Variants in SYN3 observed in about 807,000 individuals in gnomAD.
The protein encoded by SYN3 is synapsin-3.
A neutral mutation model predicts 65.8 loss-of-function variants in SYN3; 35 were observed. The ratio of observed to expected loss-of-function variants is 0.53; its 90% CI spans 0.41 to 0.70. The LOEUF (loss-of-function observed/expected upper bound fraction) is 0.70. Among genes scored for constraint, SYN3 ranks in the 30% least tolerant of loss-of-function variants. SYN3 has a pLI of 0.00. For synonymous variants in SYN3, 270 were observed against 292.9 expected (o/e 0.92, Z 0.80); for missense variants, 680 against 749.0 (o/e 0.91, Z 1.08).
intron 6 of SYN3, among the ~76,000 whole-genome samples, chr22:32,622,389 G>A (rs982701948): frequency 6.6e-6 from 1 of 152,142 alleles, no homozygotes; most frequent in Non-Finnish European, 1.5e-5. Context: ...ATTCCTTTGA[G>A]GTCGAGCTGC....
At chr22:32,738,664 A>C (rs1224988107) in intron 6 of SYN3, among the ~76,000 whole-genome samples, 1 of 152,244 alleles carries the variant, frequency 6.6e-6, no homozygotes, top group African/African-American at 2.4e-5. Flanking sequence ...TTAATGCATG[A>C]GTAGGAATTT....
chr22:32,820,404 ATCC>A (rs2047213889), intron 6 of SYN3, among the ~76,000 whole-genome samples: 1 of 150,136 alleles, frequency 6.7e-6, no homozygotes, highest in Non-Finnish European at 1.5e-5. Context: ...TGTGTGTGTC[ATCC>A]TCCTCTGCTC....
chr22:32,687,350 G>A (rs2060604925), intron 6 of SYN3, among the ~76,000 whole-genome samples: 2 of 150,904 alleles, frequency 1.3e-5, no homozygotes, highest in African/African-American at 4.9e-5. Flanking sequence ...TTTTAGTAGA[G>A]ACAGGGTTTC....
At chr22:32,893,827 C>G (rs963089835) in intron 4 of SYN3, among the ~76,000 whole-genome samples, 3 of 152,090 alleles carry the variant, frequency 2.0e-5, no homozygotes, top group Non-Finnish European at 4.4e-5. Flanking sequence ...CTGGCCTGTC[C>G]CTTGCTGGGC....
At chr22:32,847,966 T>C (rs971349184) in intron 6 of SYN3, among the ~76,000 whole-genome samples, 21 of 152,366 alleles carry the variant, frequency 1.4e-4, no homozygotes, top group African/African-American at 4.6e-4. Context: ...CTGCCTTTTG[T>C]TGCTGGTTCT....
rs118028674 is a variant in SYN3, at chr22:32,936,474, T to C, written c.370-4993A>G. Among the ~76,000 whole-genome samples the C allele has an allele frequency of 4.2e-3, 639 of 150,640 alleles. 5 individuals carry two copies. Among genetic ancestry groups the C allele is most frequent in the Non-Finnish European group, 6.8e-3 (457 of 67,696 alleles). On this transcript the variant is annotated intron_variant, in intron 3 of 13. Transcript: ENST00000358763. ...AGGACAGAGTATAGGAAAAGATGAATCTGCAGAGAAAAAATAAAACAAACA... is the reference window on the plus strand; with the variant it reads ...AGGACAGAGTATAGGAAAAGATGAACCTGCAGAGAAAAAATAAAACAAACA...
Position 32,513,519 on chromosome 22 carries a change from T to G in SYN3, c.*173A>C. 3 of 872,252 alleles carry G rather than the reference T, an allele frequency of 3.4e-6. No individual in the cohort carries two copies. Among genetic ancestry groups the G allele is most frequent in the Non-Finnish European group, 5.0e-6 (3 of 597,096 alleles). 54.0% of individuals were successfully genotyped at this position (872,252 alleles called of 1,614,324 possible). ...GTCAGACAATGCTGGAATGTCACGGTGAAGGAAAATGGGAACAAATATAGA... is the reference window on the plus strand; with the variant it reads ...GTCAGACAATGCTGGAATGTCACGGGGAAGGAAAATGGGAACAAATATAGA... On this transcript the variant is annotated 3_prime_UTR_variant, in exon 14 of 14. Coordinates refer to ENST00000358763, the MANE Select transcript of SYN3 (RefSeq NM_003490.4).
intron 6 of SYN3, among the ~76,000 whole-genome samples, chr22:32,636,718 C>T (rs918286903): frequency 6.6e-6 from 1 of 152,136 alleles, no homozygotes; most frequent in Non-Finnish European, 1.5e-5. Flanking sequence ...TATCTGAGAG[C>T]CCCAGAAAGA....
intron 6 of SYN3, among the ~76,000 whole-genome samples, chr22:32,615,701 C>T (rs1201994618): frequency 6.6e-6 from 1 of 152,172 alleles, no homozygotes; most frequent in African/African-American, 2.4e-5. Flanking sequence ...TAAACCCACC[C>T]TAGTGTGTGA....
chr22:32,569,400 AATCTATCTATCT>A (rs60525962), intron 7 of SYN3, among the ~76,000 whole-genome samples: 3,359 of 144,026 alleles, frequency 0.023, 38 homozygotes, highest in Admixed American at 0.027. Context: ...CTCCATCCAA[AATCTATCTATCT>A]ATCTATCTAT....
rs1297730941 is a variant in SYN3, at chr22:32,507,993, C to A, written c.*5699G>T. Among the ~76,000 whole-genome samples, 1 of 152,026 alleles carries A rather than the reference C, an allele frequency of 6.6e-6. No individual in the cohort carries two copies. Among genetic ancestry groups the A allele is most frequent in the East Asian group, 1.9e-4 (1 of 5,176 alleles). ...CATCGCCCATTCTCTCTCCATACCA[C>A]CCCCCAAAAATTTTCGTCGCCCCAA... On this transcript the variant is annotated 3_prime_UTR_variant, in exon 14 of 14. Transcript: ENST00000358763.
At chr22:32,742,570 T>C (rs2044806214) in intron 6 of SYN3, among the ~76,000 whole-genome samples, 1 of 152,186 alleles carries the variant, frequency 6.6e-6, no homozygotes, top group Admixed American at 6.5e-5. Context: ...CACAGACATG[T>C]TCTTTCTCAC....
chr22:32,896,112 AAT>A (rs2049586554), intron 4 of SYN3, among the ~76,000 whole-genome samples: 1 of 152,210 alleles, frequency 6.6e-6, no homozygotes, highest in Admixed American at 6.5e-5. Flanking sequence ...CACACATATA[AAT>A]ATGATATTGA....
intron 6 of SYN3, among the ~76,000 whole-genome samples, chr22:32,665,054 A>G (rs1387801757): frequency 5.7e-5 from 7 of 121,852 alleles, no homozygotes; most frequent in African/African-American, 2.3e-4. Flanking sequence ...GTTAGAGTGC[A>G]GTGGTGCCAT....
intron 6 of SYN3, among the ~76,000 whole-genome samples, chr22:32,798,736 G>GGCTA (rs2046489373): frequency 8.1e-6 from 1 of 124,052 alleles, no homozygotes; most frequent in Non-Finnish European, 1.6e-5. Context: ...CCATCACCTA[G>GGCTA]GCTAGAGTGC....
chr22:32,594,493 C>CT (rs11330231), intron 7 of SYN3, among the ~76,000 whole-genome samples: 9,841 of 145,780 alleles, frequency 0.068, 346 homozygotes, highest in Non-Finnish European at 0.079. Flanking sequence ...TTTTTCTTTT[C>CT]TTTTTTTTTT....
intron 6 of SYN3, among the ~76,000 whole-genome samples, chr22:32,786,595 C>A (rs551737680): frequency 8.4e-4 from 128 of 152,108 alleles, no homozygotes; most frequent in Middle Eastern, 3.4e-3. Flanking sequence ...ATCTCCTGAC[C>A]TTGTGATCCA....
At position 32,541,570 on chromosome 22, in the gene SYN3, C is replaced by A; in HGVS notation, c.917+1G>T. On this transcript the variant is annotated splice_donor_variant, in intron 8 of 13. Transcript: ENST00000358763. LOFTEE classifies it high-confidence loss of function. ...CCCCAGCCCCTGCCCCAGAGACTCA[C>A]ATGTAAGCCTTGTAGTTGGATCCAA... 2 of 1,614,086 alleles carry A rather than the reference C, an allele frequency of 1.2e-6. No homozygotes were observed. Among genetic ancestry groups the A allele is most frequent in the South Asian group, 2.2e-5 (2 of 91,064 alleles).
At chr22:32,522,677 A>G (rs1421250818) in intron 12 of SYN3, among the ~76,000 whole-genome samples, 1 of 152,182 alleles carries the variant, frequency 6.6e-6, no homozygotes, top group Non-Finnish European at 1.5e-5. Flanking sequence ...TTCGTAGTAA[A>G]TTATTAGTAG....
Sources: allele counts gnomAD v4.1 joint callset (sites outside exome capture counted in the v4.1 genomes callset), GRCh38; gene constraint gnomAD v4.1.1; transcripts MANE v1.5; gene names NCBI Gene and HGNC (gene_info 2026-07-23, HGNC 2026-07-21).